The following SLC12A7 variants were observed in gnomAD, a reference collection of about 807,000 sequenced individuals.
SLC12A7 encodes solute carrier family 12 member 7.
A neutral mutation model predicts 120.6 loss-of-function variants in SLC12A7; 100 were observed. The ratio of observed to expected loss-of-function variants is 0.83; its 90% confidence interval spans 0.71 to 0.98. The LOEUF is 0.98. SLC12A7 is among the 50% of genes least tolerant of loss of function. The probability of loss-of-function intolerance (pLI) is 0.00; values close to 1 mark genes in which losing one functional copy is unlikely to be tolerated. For synonymous variants in SLC12A7, 760 were observed against 678.0 expected (o/e 1.12, Z -1.88); for missense variants, 1,373 against 1,548.1 (o/e 0.89, Z 1.90).
chr5:1,119,976 C>A, the SLC12A7 span, among the ~76,000 whole-genome samples: 1 of 152,266 alleles, frequency 6.6e-6, no homozygotes, highest in Non-Finnish European at 1.5e-5. Flanking sequence ...TGGGACCCCC[C>A]CATAGGTCAA....
chr5:1,147,246 C>A, the SLC12A7 span, among the ~76,000 whole-genome samples: 36 of 94,880 alleles, frequency 3.8e-4, no homozygotes, highest in Non-Finnish European at 7.0e-4. Flanking sequence ...CGGCCCACCC[C>A]GCCACCCCCC....
chr5:1,058,467 G>A (rs2150782483), intron 21 of SLC12A7, among the ~76,000 whole-genome samples: 1 of 152,360 alleles, frequency 6.6e-6, no homozygotes, highest in Non-Finnish European at 1.5e-5. Context: ...TCCCACTGTG[G>A]CTGGAGCCCC....
the SLC12A7 span, among the ~76,000 whole-genome samples, chr5:1,136,344 G>A: frequency 4.0e-5 from 6 of 149,662 alleles, no homozygotes; most frequent in Non-Finnish European, 5.9e-5. Context: ...GGACACGCAG[G>A]CACACACGTG....
At chr5:1,146,539 C>T in the SLC12A7 span, among the ~76,000 whole-genome samples, 1 of 152,216 alleles carries the variant, frequency 6.6e-6, no homozygotes, top group Non-Finnish European at 1.5e-5. The surrounding 1 kb of genome is among the most constrained non-coding windows in gnomAD (Gnocchi z 6.5). Context: ...GACACCCCAA[C>T]GTTAACCAGA....
chr5:1,081,450 G>A lies in SLC12A7; in HGVS notation c.1297+127C>T, dbSNP rs557202917. Reference sequence around the variant, plus strand: ...AGGTGGGAGGAATATTTGTGTCTAGGAGTTGAGGCTGCAGTGAGCCGTGAT... The same window carrying A: ...AGGTGGGAGGAATATTTGTGTCTAGAAGTTGAGGCTGCAGTGAGCCGTGAT... On this transcript the variant is annotated intron_variant, in intron 9 of 23. Transcript: ENST00000264930. The A allele has an allele frequency of 2.4e-5, 23 of 952,832 alleles. No individual in the cohort carries two copies. The African/African-American group carries it at 2.6e-4, about 11-fold the overall frequency. The allele number at this position is 952,832 out of a possible 1,614,324, so 59.0% of individuals were successfully genotyped here.
chr5:1,106,313 C>T (rs910845151), intron 1 of SLC12A7, among the ~76,000 whole-genome samples: 40 of 152,266 alleles, frequency 2.6e-4, no homozygotes, highest in African/African-American at 8.2e-4. Context: ...CTTAGCCAGG[C>T]GCGGTGGTGC....
intron 22 of SLC12A7, among the ~76,000 whole-genome samples, chr5:1,055,592 A>G (rs1438907128): frequency 1.3e-5 from 2 of 152,066 alleles, no homozygotes; most frequent in African/African-American, 4.8e-5. Context: ...CGCGTTGTCC[A>G]TTCTGGCCCA....
At chr5:1,098,144 C>CTCT (rs1406298713) in intron 1 of SLC12A7, among the ~76,000 whole-genome samples, 76 of 64,790 alleles carry the variant, frequency 1.2e-3, no homozygotes, top group African/African-American at 5.3e-3. Context: ...CCAGCCCCCA[C>CTCT]AACCCTCTGC....
At chr5:1,063,617 C>T (rs570641116) in intron 20 of SLC12A7, among the ~76,000 whole-genome samples, 3 of 150,398 alleles carry the variant, frequency 2.0e-5, no homozygotes, top group African/African-American at 5.0e-5. Flanking sequence ...CTTCTCCTCC[C>T]CACCTCCACC....
chr5:1,140,996 C>G, the SLC12A7 span, among the ~76,000 whole-genome samples: 1 of 152,166 alleles, frequency 6.6e-6, no homozygotes, highest in Non-Finnish European at 1.5e-5. Flanking sequence ...AGGGTGGACA[C>G]GGGACGTTTA....
At chr5:1,078,422 A>G in intron 11 of SLC12A7, 1 of 572,988 alleles carries the variant, frequency 1.7e-6, no homozygotes. Context: ...CCCAGGGCCA[A>G]GCCTCACCCG....
At chr5:1,130,104 C>T in the SLC12A7 span, among the ~76,000 whole-genome samples, 2 of 152,208 alleles carry the variant, frequency 1.3e-5, no homozygotes, top group Admixed American at 6.5e-5. Flanking sequence ...TGCGGAAAAT[C>T]ACCCAGAATT....
chr5:1,143,027 C>T, the SLC12A7 span, among the ~76,000 whole-genome samples: 3 of 152,130 alleles, frequency 2.0e-5, no homozygotes, highest in Admixed American at 6.5e-5. Flanking sequence ...GGCTTGTTCC[C>T]GTGCCGGGCA....
Position 1,075,473 on chromosome 5 carries a change from C to T in SLC12A7, c.1865G>A (p.Gly622Asp), listed in dbSNP as rs1738227606. Residue 622 changes from glycine to aspartate, a missense_variant, in exon 15 of 24, where the codon GGT (glycine) becomes GAT (aspartate). Transcript: ENST00000264930. Reference sequence around the variant, plus strand: ...CATCAGCGCCAGGCACAGGCTCATACCCAGAAAGGACAGGGTCCTGGGGGC... The same window carrying T: ...CATCAGCGCCAGGCACAGGCTCATATCCAGAAAGGACAGGGTCCTGGGGGC... ...KFYHWTLSFL[G>D]MSLCLALMFI... is the part of the protein sequence containing the mutation. 6.2e-7 allele frequency: 1 copy of T among 1,611,794 alleles called. No homozygotes were observed. The highest frequency in any genetic ancestry group is 8.5e-7 in the Non-Finnish European group (1 of 1,179,068).
intron 17 of SLC12A7, among the ~76,000 whole-genome samples, chr5:1,066,116 AC>A (rs2150807144): frequency 6.6e-6 from 1 of 152,102 alleles, no homozygotes; most frequent in South Asian, 2.1e-4. Flanking sequence ...CAGGCCTCCC[AC>A]CCTCTGACCT....
intron 11 of SLC12A7, 131 bp downstream of exon 11, chr5:1,078,570 G>C: frequency 1.3e-6 from 1 of 741,952 alleles, no homozygotes; most frequent in South Asian, 1.6e-5. Context: ...CCCAACCCTG[G>C]GACCAGGACG....
At chr5:1,120,820 C>T in the SLC12A7 span, among the ~76,000 whole-genome samples, 1 of 152,168 alleles carries the variant, frequency 6.6e-6, no homozygotes, top group African/African-American at 2.4e-5. Flanking sequence ...CAAGGGCAGG[C>T]AGGACTCACC....
the SLC12A7 span, among the ~76,000 whole-genome samples, chr5:1,155,195 T>G: frequency 6.6e-6 from 1 of 150,434 alleles, no homozygotes; most frequent in Non-Finnish European, 1.5e-5. Context: ...GAACCCCCAC[T>G]GCTTCCCAGA....
the SLC12A7 span, among the ~76,000 whole-genome samples, chr5:1,147,184 G>A: frequency 2.0e-5 from 3 of 151,838 alleles, no homozygotes; most frequent in African/African-American, 7.3e-5. Context: ...CAGGGCAACA[G>A]GAAACACTAA....
Sources: gnomAD v4.1 joint callset for allele counts (sites outside exome capture counted in the v4.1 genomes callset) on GRCh38, gnomAD v4.1.1 for gene constraint, Gnocchi (gnomAD v3.1) non-coding constraint, MANE v1.5 for transcripts, NCBI Gene and HGNC (gene_info 2026-07-23, HGNC 2026-07-21) for gene names.